ZSWIM6: variants seen among roughly 807,000 people sequenced by gnomAD.
ZSWIM6 encodes zinc finger SWIM-type containing 6, also known as zinc finger SWIM domain-containing protein 6.
A neutral mutation model predicts 113.2 loss-of-function variants in ZSWIM6; 9 were observed. The observed-to-expected ratio is 0.08, with a 90% CI of 0.05 to 0.14. ZSWIM6 has a LOEUF of 0.14. Ranked by LOEUF, ZSWIM6 falls within the 10% of genes least tolerant of loss-of-function variation. The pLI, the probability that ZSWIM6 is intolerant of heterozygous loss-of-function variation, is 1.00. For synonymous variants in ZSWIM6, 611 were observed against 606.5 expected (o/e 1.01, Z -0.11); for missense variants, 1,162 against 1,552.2 (o/e 0.75, Z 4.22).
intron 1 of ZSWIM6, among the ~76,000 whole-genome samples, chr5:61,417,888 A>G (rs1746287761): frequency 6.6e-6 from 1 of 152,248 alleles, no homozygotes; most frequent in African/African-American, 2.4e-5. Flanking sequence ...GCTTCAAGAA[A>G]GACCTTGAAA....
At chr5:61,351,135 G>A (rs1744774730) in intron 1 of ZSWIM6, among the ~76,000 whole-genome samples, 1 of 152,120 alleles carries the variant, frequency 6.6e-6, no homozygotes, top group Non-Finnish European at 1.5e-5. Context: ...ATCTAGTGCA[G>A]CTAAACAGAG....
At chr5:61,353,432 A>T (rs1371894965) in intron 1 of ZSWIM6, among the ~76,000 whole-genome samples, 2 of 152,110 alleles carry the variant, frequency 1.3e-5, no homozygotes, top group Non-Finnish European at 2.9e-5. Context: ...TTGAACACCT[A>T]GGCCTCCCAG....
At chr5:61,417,009 G>A (rs183992575) in intron 1 of ZSWIM6, among the ~76,000 whole-genome samples, 2 of 152,280 alleles carry the variant, frequency 1.3e-5, no homozygotes, top group African/African-American at 4.8e-5. Flanking sequence ...AGGCGTAGTG[G>A]CACATGCTTG....
chr5:61,493,427 A>G (rs1022146311), intron 3 of ZSWIM6, among the ~76,000 whole-genome samples: 1 of 152,198 alleles, frequency 6.6e-6, no homozygotes, highest in Non-Finnish European at 1.5e-5. Flanking sequence ...ATTGTATGGT[A>G]TATGAATTAT....
chr5:61,517,975 T>A (rs1019479164), intron 4 of ZSWIM6, among the ~76,000 whole-genome samples: 10 of 120,688 alleles, frequency 8.3e-5, no homozygotes, highest in African/African-American at 3.2e-4. Context: ...AGTGTGATGT[T>A]CCCCTTCCTG....
rs150093342 is a variant in ZSWIM6, at chr5:61,390,547, T to G, written c.676+57599T>G. 1,397 of 496,264 alleles carry G rather than the reference T, an allele frequency of 2.8e-3. 9 individuals carry two copies. Among genetic ancestry groups the G allele is most frequent in the African/African-American group, 0.02 (1,043 of 51,124 alleles). 30.7% of individuals were successfully genotyped at this position (496,264 alleles called of 1,614,324 possible). A position where few individuals can be genotyped will look rare whatever the true frequency, so the allele number is the denominator to read the frequency against. On this transcript the variant is annotated intron_variant, in intron 1 of 13. Coordinates refer to ENST00000252744, the MANE Select transcript of ZSWIM6 (RefSeq NM_020928.2). Reference sequence around the variant, plus strand: ...AATTTGCCCCTTGCTCTGGAGAGCCTACAAAAGTTAAAACTTTTGTGAATG... The same window carrying G: ...AATTTGCCCCTTGCTCTGGAGAGCCGACAAAAGTTAAAACTTTTGTGAATG...
intron 1 of ZSWIM6, among the ~76,000 whole-genome samples, chr5:61,378,212 A>G (rs913633561): frequency 2.6e-5 from 4 of 152,250 alleles, no homozygotes; most frequent in Non-Finnish European, 5.9e-5. Context: ...GGCATCATTT[A>G]TAGTAGCAAA....
intron 1 of ZSWIM6, among the ~76,000 whole-genome samples, chr5:61,340,554 G>A (rs954719503): frequency 7.2e-5 from 11 of 152,154 alleles, no homozygotes; most frequent in Admixed American, 4.6e-4. Context: ...ATCTACTAGT[G>A]GAGCTATGGA....
intron 7 of ZSWIM6, among the ~76,000 whole-genome samples, chr5:61,528,187 T>C (rs1341751565): frequency 6.6e-6 from 1 of 152,180 alleles, no homozygotes; most frequent in Non-Finnish European, 1.5e-5. Context: ...CTACTTGTTA[T>C]GGGCCAAGAT....
intron 1 of ZSWIM6, among the ~76,000 whole-genome samples, chr5:61,347,958 AC>A (rs1744697379): frequency 1.3e-5 from 2 of 152,240 alleles, no homozygotes; most frequent in South Asian, 4.1e-4. Flanking sequence ...ATGGTGGCTC[AC>A]GCCTGTAATC....
At chr5:61,347,867 G>T (rs1467458425) in intron 1 of ZSWIM6, among the ~76,000 whole-genome samples, 1 of 152,152 alleles carries the variant, frequency 6.6e-6, no homozygotes. Flanking sequence ...TTGGTTTTAA[G>T]ACCTGAAGTA....
chr5:61,414,270 T>C (rs1746200956), intron 1 of ZSWIM6, among the ~76,000 whole-genome samples: 1 of 152,012 alleles, frequency 6.6e-6, no homozygotes. Context: ...ATCAGCCCAA[T>C]TTAGTGATGG....
intron 1 of ZSWIM6, among the ~76,000 whole-genome samples, chr5:61,417,721 C>G (rs1422892600): frequency 1.3e-5 from 2 of 152,190 alleles, no homozygotes; most frequent in African/African-American, 4.8e-5. Flanking sequence ...TTTTGAAATA[C>G]TATAAGCGAA....
At chr5:61,432,038 A>C (rs1333786938) in intron 1 of ZSWIM6, among the ~76,000 whole-genome samples, 1 of 152,150 alleles carries the variant, frequency 6.6e-6, no homozygotes, top group Non-Finnish European at 1.5e-5. Context: ...TTTAAAATTC[A>C]TGTCTTCAAA....
intron 1 of ZSWIM6, among the ~76,000 whole-genome samples, chr5:61,357,982 A>C (rs1744954313): frequency 6.6e-6 from 1 of 152,190 alleles, no homozygotes; most frequent in African/African-American, 2.4e-5. Context: ...GACGTGGGAA[A>C]GTTGCCTCCT....
chr5:61,333,015 G>A (rs1421530893), intron 1 of ZSWIM6, 67 bp downstream of exon 1: 253 of 1,105,750 alleles, frequency 2.3e-4, no homozygotes, highest in Non-Finnish European at 2.7e-4. Context: ...GGGGGTGCCC[G>A]CCTTTCTCCT....
intron 1 of ZSWIM6, among the ~76,000 whole-genome samples, chr5:61,344,856 A>G (rs901464473): frequency 1.3e-5 from 2 of 152,202 alleles, no homozygotes; most frequent in Non-Finnish European, 2.9e-5. Context: ...TAAATTTCAG[A>G]CATATTCTGT....
In ZSWIM6 at chr5:61,540,580, CAT is replaced by C. The variant is rs1457076653; in HGVS notation, c.2703+823_2703+824del. On this transcript the variant is annotated intron_variant, in intron 12 of 13. Coordinates refer to ENST00000252744, the MANE Select transcript of ZSWIM6 (RefSeq NM_020928.2). ...CAGGAAAATGTACCTACCATGGTAA[CAT>C]AGAATACTGTACAAGCAAAGGGTAT... Among the ~76,000 whole-genome samples the C allele has an allele frequency of 5.3e-5, 8 of 152,038 alleles. No individual in the cohort carries two copies. In the East Asian group the frequency reaches 7.7e-4, roughly 15 times the overall value.
intron 1 of ZSWIM6, among the ~76,000 whole-genome samples, chr5:61,341,905 G>C (rs1169370785): frequency 7.0e-6 from 1 of 142,452 alleles, no homozygotes; most frequent in African/African-American, 2.6e-5. Context: ...TTTGAGATGG[G>C]GTCTCCCTTT....
Sources: gnomAD v4.1 joint callset for allele counts (sites outside exome capture counted in the v4.1 genomes callset) on GRCh38, gnomAD v4.1.1 for gene constraint, MANE v1.5 for transcripts, NCBI Gene and HGNC (gene_info 2026-07-23, HGNC 2026-07-21) for gene names.